HEATR5A: variants seen among roughly 807,000 people sequenced by gnomAD.
HEATR5A encodes HEAT repeat-containing protein 5A.
In HEATR5A, 178 loss-of-function variants were observed where a neutral mutation model predicts 218.8. The ratio of observed to expected loss-of-function variants is 0.81; its 90% CI spans 0.72 to 0.92. HEATR5A has a LOEUF of 0.92. HEATR5A is among the 40% of genes least tolerant of loss of function. The pLI is 0.00. For synonymous variants in HEATR5A, 864 were observed against 871.6 expected (o/e 0.99, Z 0.15); for missense variants, 2,420 against 2,418.9 (o/e 1.00, Z -0.01).
rs61734972 is a variant in HEATR5A, at chr14:31,293,995, T to C, written c.5729A>G (p.Gln1910Arg). The change falls in exon 35 of 36, where the codon CAG becomes CGG. Residue 1910 changes from glutamine to arginine, a missense_variant. By Grantham distance (43) the Gln-to-Arg change is conservative. Transcript: ENST00000543095. ...TTCAGGTTTTCTCTTGTCTATTTCC[T>C]GCAGTTTTTCCATGATACAGGATGC... ...SLASCIMEKL[Q>R]EIDKRKPENT... The C allele has an allele frequency of 1.7e-3, 2,771 of 1,606,044 alleles. 45 individuals are homozygous for C. In the African/African-American group the frequency reaches 0.033, roughly 19 times the overall value.
chr14:31,418,489 G>A (rs1223990040), intron 1 of HEATR5A, among the ~76,000 whole-genome samples: 1 of 152,246 alleles, frequency 6.6e-6, no homozygotes, highest in African/African-American at 2.4e-5. Flanking sequence ...CCCACAGGCT[G>A]TAGATTGCTG....
chr14:31,384,875 A>G (rs2030148479), intron 9 of HEATR5A, among the ~76,000 whole-genome samples: 2 of 152,082 alleles, frequency 1.3e-5, no homozygotes, highest in Admixed American at 1.3e-4. Flanking sequence ...ATAAGAATAA[A>G]ACATTAAAAT....
chr14:31,389,494 T>G (rs931908474), intron 6 of HEATR5A, among the ~76,000 whole-genome samples: 1 of 152,208 alleles, frequency 6.6e-6, no homozygotes. Flanking sequence ...CTTTTGCTAT[T>G]CCTTCAGTCT....
rs1002422813 is a variant in HEATR5A, at chr14:31,400,737, A to C, written c.127-225T>G. Among the ~76,000 whole-genome samples the C allele has an allele frequency of 3.3e-5, 5 of 152,130 alleles. No homozygotes were observed. The East Asian group carries it at 9.6e-4, about 29-fold the overall frequency. On this transcript the variant is annotated intron_variant, in intron 2 of 35. Coordinates refer to ENST00000543095, the MANE Select transcript of HEATR5A (RefSeq NM_015473.4). ...TAAAAAAGCCCTCCAAAAATTCCGA[A>C]CCACATTACACTGCAATCTCTGTTA...
intron 2 of HEATR5A, among the ~76,000 whole-genome samples, chr14:31,402,013 T>G (rs918021833): frequency 1.4e-5 from 2 of 144,442 alleles, no homozygotes; most frequent in Non-Finnish European, 1.5e-5. Flanking sequence ...TTGTCTTTTG[T>G]TTTTTTTTCC....
At chr14:31,311,058 C>G (rs936814954) in intron 28 of HEATR5A, among the ~76,000 whole-genome samples, 2 of 151,428 alleles carry the variant, frequency 1.3e-5, no homozygotes, top group Non-Finnish European at 2.9e-5. Context: ...ACCAACCAAC[C>G]AACCAACCAA....
rs773033685 is a variant in HEATR5A at position 31,308,986 on chromosome 14, A to G, written c.4638T>C (p.Ala1546=). The change falls in exon 29 of 36, where the codon GCT becomes GCC. Residue 1546 remains alanine, a synonymous_variant. Transcript: ENST00000543095. ...TSMCQGSSSG[A]TIKSPEDVYT... ...AGACATCCTCAGGGGACTTTATGGT[A>G]GCCCCAGATGATGAACCCTGACACA... 1 of 1,613,806 alleles carries G rather than the reference A, an allele frequency of 6.2e-7. No homozygotes were observed. The highest frequency in any genetic ancestry group is 8.5e-7 in the Non-Finnish European group (1 of 1,179,736).
At chr14:31,302,651 A>G in intron 32 of HEATR5A, 132 bp from the exon 33 acceptor site, 1 of 647,982 alleles carries the variant, frequency 1.5e-6, no homozygotes, top group Non-Finnish European at 2.6e-6. Flanking sequence ...AAGAATTATA[A>G]CTGTTAAGAT....
intron 13 of HEATR5A, among the ~76,000 whole-genome samples, chr14:31,367,706 C>T (rs1901858119): frequency 6.7e-6 from 1 of 150,338 alleles, no homozygotes; most frequent in Admixed American, 6.7e-5. Context: ...GCATGAGCCA[C>T]TGTGCCCAGC....
At chr14:31,381,451 G>C (rs2029978534) in intron 10 of HEATR5A, among the ~76,000 whole-genome samples, 1 of 151,110 alleles carries the variant, frequency 6.6e-6, no homozygotes. Context: ...AGAAGGCCAA[G>C]GTGGGAGGAC....
At chr14:31,297,286 A>G (rs1566744498) in intron 33 of HEATR5A, 4 of 151,834 alleles carry the variant, frequency 2.6e-5, no homozygotes, top group South Asian at 4.2e-4. Flanking sequence ...ACTCCGTCTC[A>G]ATAAAAACAA....
intron 32 of HEATR5A, among the ~76,000 whole-genome samples, chr14:31,302,938 CAAAAAAAAAAAAAAA>C (rs747481722): frequency 0.05 from 5,147 of 102,396 alleles, 316 homozygotes; most frequent in African/African-American, 0.19. Context: ...TTCATCTTTA[CAAAAAAAAAAAAAAA>C]AAAAAAAAAA....
rs566248350 is a variant in HEATR5A at position 31,345,925 on chromosome 14, C to T, written c.2869-649G>A. Among the ~76,000 whole-genome samples the T allele has an allele frequency of 6.3e-4, 96 of 152,168 alleles. No homozygotes were observed. In the Middle Eastern group the frequency reaches 0.014, roughly 22 times the overall value. On this transcript the variant is annotated intron_variant, in intron 19 of 35. Coordinates refer to ENST00000543095, the MANE Select transcript of HEATR5A (RefSeq NM_015473.4). ...ACACATGCACACACGCACACACACA[C>T]ACACAATGGTTTAAATGAAAAAAGA...
chr14:31,337,957 T>C (rs1323838847), intron 21 of HEATR5A, among the ~76,000 whole-genome samples: 2 of 152,184 alleles, frequency 1.3e-5, no homozygotes, highest in African/African-American at 4.8e-5. Context: ...GTTCATACAT[T>C]TGTGTTCATG....
At chr14:31,308,859 A>G in intron 29 of HEATR5A, 75 bp downstream of exon 29, 1 of 1,335,266 alleles carries the variant, frequency 7.5e-7, no homozygotes, top group Non-Finnish European at 1.0e-6. Context: ...TGGGTGAAAG[A>G]GCAAAACTCC....
intron 21 of HEATR5A, among the ~76,000 whole-genome samples, chr14:31,340,628 A>T (rs1453812908): frequency 6.6e-6 from 1 of 152,174 alleles, no homozygotes; most frequent in African/African-American, 2.4e-5. Flanking sequence ...TGCCACAAAT[A>T]TTTTATTTTC....
chr14:31,294,143 T>C (rs1899101591), intron 34 of HEATR5A, 39 bp from the exon 35 acceptor site: 1 of 1,333,096 alleles, frequency 7.5e-7, no homozygotes, highest in East Asian at 2.5e-5. Flanking sequence ...ATACTATAAA[T>C]AAATTTTTAA....
chr14:31,368,207 A>C (rs1901876965), intron 13 of HEATR5A, among the ~76,000 whole-genome samples: 1 of 152,106 alleles, frequency 6.6e-6, no homozygotes, highest in Admixed American at 6.5e-5. Context: ...TGCCAGATGA[A>C]GAAGGCACAG....
At chr14:31,327,898 T>C (rs1394242205) in intron 22 of HEATR5A, among the ~76,000 whole-genome samples, 1 of 152,206 alleles carries the variant, frequency 6.6e-6, no homozygotes, top group Admixed American at 6.5e-5. Context: ...AGTTAACTCA[T>C]CTAGCATTTA....
Sources: gnomAD v4.1 joint callset for allele counts (sites outside exome capture counted in the v4.1 genomes callset) on GRCh38, gnomAD v4.1.1 for gene constraint, MANE v1.5 for transcripts, NCBI Gene and HGNC (gene_info 2026-07-23, HGNC 2026-07-21) for gene names.